SDC2: variants seen among roughly 807,000 people sequenced by gnomAD.
SDC2 encodes syndecan 2.
In SDC2, 13 loss-of-function variants were observed where a neutral mutation model predicts 22.2. The ratio of observed to expected loss-of-function variants is 0.59; its 90% CI spans 0.38 to 0.93. SDC2 has a LOEUF of 0.93. Ranked by LOEUF, SDC2 falls within the 40% of genes least tolerant of loss-of-function variation. SDC2 has a pLI of 0.00. For missense variants in SDC2, 235 were observed against 246.8 expected, an observed-to-expected ratio of 0.95 and a Z score of 0.32; for synonymous variants, 94 against 92.8, an observed-to-expected ratio of 1.01 and a Z score of -0.07.
rs1040853922 is a variant in SDC2, at chr8:96,508,523, A to T, written c.60+14192A>T. ...AAAGAAAAAAAAAGATTATTGGTTTATAAATTTTATCATAACACAAATGTA... is the reference window on the plus strand; with the variant it reads ...AAAGAAAAAAAAAGATTATTGGTTTTTAAATTTTATCATAACACAAATGTA... On this transcript the variant is annotated intron_variant, in intron 1 of 4. Transcript: ENST00000302190. 5.1e-5 allele frequency among the ~76,000 whole-genome samples: 5 copies of T among 97,418 alleles called. 1 individual carries two copies. The highest frequency in any genetic ancestry group is 1.4e-4 in the Non-Finnish European group (5 of 36,718). 63.9% of individuals were successfully genotyped at this position (97,418 alleles called of 152,430 possible). A position where few individuals can be genotyped will look rare whatever the true frequency, so the allele number is the denominator to read the frequency against.
rs1813892940 is a variant in SDC2 at position 96,544,016 on chromosome 8, A to G, written c.61-49464A>G. The stretch of plus-strand genomic sequence containing the variant: ...CGAGATGCTAGAGCTGTCAGAATGA[A>G]CTTAGACTAAAACCCAGGTCTTCTG... On this transcript the variant is annotated intron_variant, in intron 1 of 4. Transcript: ENST00000302190. Among the ~76,000 whole-genome samples, 4 of 152,310 alleles carry G rather than the reference A, an allele frequency of 2.6e-5. No homozygotes were observed. In the South Asian group the frequency reaches 8.3e-4, roughly 32 times the overall value.
chr8:96,576,467 T>C (rs1172431454), intron 1 of SDC2, among the ~76,000 whole-genome samples: 1 of 76,272 alleles, frequency 1.3e-5, no homozygotes, highest in African/African-American at 4.4e-5. Flanking sequence ...TCGCCCAGGC[T>C]GGAGTGCAGT....
At chr8:96,591,035 G>A (rs1814772478) in intron 1 of SDC2, among the ~76,000 whole-genome samples, 1 of 152,170 alleles carries the variant, frequency 6.6e-6, no homozygotes. Flanking sequence ...CTGCCAGTGT[G>A]GTTGAACGGT....
At chr8:96,510,378 G>A (rs1462248816) in intron 1 of SDC2, among the ~76,000 whole-genome samples, 1 of 152,160 alleles carries the variant, frequency 6.6e-6, no homozygotes, top group African/African-American at 2.4e-5. Context: ...GCTGTCTTGT[G>A]AGCAAGACAT....
intron 1 of SDC2, among the ~76,000 whole-genome samples, chr8:96,498,517 CTGG>C (rs571451666): frequency 1.0e-3 from 155 of 151,446 alleles, no homozygotes; most frequent in African/African-American, 3.6e-3. Flanking sequence ...GTCACCCAGG[CTGG>C]AGTACAATGG....
chr8:96,503,154 G>T (rs1813191133), intron 1 of SDC2, among the ~76,000 whole-genome samples: 1 of 152,142 alleles, frequency 6.6e-6, no homozygotes, highest in South Asian at 2.1e-4. Context: ...GGACAAATCC[G>T]TGTTAAGATG....
chr8:96,527,067 A>C (rs116630791), intron 1 of SDC2, among the ~76,000 whole-genome samples: 1,614 of 152,250 alleles, frequency 0.011, 29 homozygotes, highest in African/African-American at 0.035. Flanking sequence ...GCATTGACCC[A>C]TCCAGGATTT....
intron 1 of SDC2, among the ~76,000 whole-genome samples, chr8:96,548,322 A>C (rs538876852): frequency 2.6e-4 from 40 of 152,316 alleles, no homozygotes; most frequent in African/African-American, 8.9e-4. Context: ...CCCAAACCCA[A>C]AAATCTGAAA....
intron 1 of SDC2, among the ~76,000 whole-genome samples, chr8:96,512,476 G>A (rs1293231347): frequency 6.6e-6 from 1 of 152,118 alleles, no homozygotes; most frequent in Non-Finnish European, 1.5e-5. Context: ...CCAGAATCCC[G>A]TGGACTGTGA....
intron 1 of SDC2, among the ~76,000 whole-genome samples, chr8:96,559,822 A>G (rs926258073): frequency 2.0e-5 from 3 of 152,172 alleles, no homozygotes; most frequent in African/African-American, 7.2e-5. Context: ...TCCACTTACT[A>G]CTGAACTTCC....
intron 1 of SDC2, among the ~76,000 whole-genome samples, chr8:96,564,158 G>A (rs969474096): frequency 1.3e-5 from 2 of 152,176 alleles, no homozygotes; most frequent in African/African-American, 4.8e-5. Context: ...GCATTTTAGT[G>A]TTATGGTTAA....
intron 1 of SDC2, among the ~76,000 whole-genome samples, chr8:96,520,804 T>A (rs1039699653): frequency 2.0e-5 from 3 of 152,308 alleles, no homozygotes; most frequent in African/African-American, 7.2e-5. Context: ...ATGCACATCC[T>A]GAGACCTGCA....
intron 1 of SDC2, among the ~76,000 whole-genome samples, chr8:96,543,985 C>G (rs1586291095): frequency 6.6e-6 from 1 of 152,128 alleles, no homozygotes; most frequent in Admixed American, 6.5e-5. Context: ...ATGTTAGTGA[C>G]TTACTCGAGA....
chr8:96,583,056 G>A (rs1202093141), intron 1 of SDC2, among the ~76,000 whole-genome samples: 1 of 103,778 alleles, frequency 9.6e-6, no homozygotes, highest in African/African-American at 3.6e-5. Flanking sequence ...TTTCTGAAGT[G>A]TGATTTTTTT....
intron 1 of SDC2, among the ~76,000 whole-genome samples, chr8:96,517,068 A>G (rs554646427): frequency 3.3e-5 from 5 of 152,220 alleles, no homozygotes; most frequent in Admixed American, 6.5e-5. Flanking sequence ...CCAGCAGTGC[A>G]CAGGGTTCCA....
chr8:96,596,078 C>A (rs1814870455), intron 2 of SDC2, among the ~76,000 whole-genome samples: 1 of 152,208 alleles, frequency 6.6e-6, no homozygotes, highest in African/African-American at 2.4e-5. Flanking sequence ...CCTATAACAT[C>A]TCTGAAACGA....
intron 1 of SDC2, among the ~76,000 whole-genome samples, chr8:96,559,351 G>A (rs970646875): frequency 2.6e-5 from 4 of 152,310 alleles, no homozygotes; most frequent in South Asian, 2.1e-4. Flanking sequence ...GAGGGTGACC[G>A]ACCTTGTTGG....
At chr8:96,506,573 C>T (rs1813242149) in intron 1 of SDC2, among the ~76,000 whole-genome samples, 1 of 152,054 alleles carries the variant, frequency 6.6e-6, no homozygotes. Context: ...ATCTCCTGGG[C>T]TCAAGGCATT....
intron 1 of SDC2, among the ~76,000 whole-genome samples, chr8:96,547,610 G>A (rs1209795419): frequency 2.0e-5 from 3 of 152,286 alleles, no homozygotes; most frequent in East Asian, 3.9e-4. Context: ...GTATACCTGG[G>A]GAGTATATGT....
Sources: allele counts gnomAD v4.1 joint callset (sites outside exome capture counted in the v4.1 genomes callset), GRCh38; gene constraint gnomAD v4.1.1; transcripts MANE v1.5; gene names NCBI Gene and HGNC (gene_info 2026-07-23, HGNC 2026-07-21).